KIF2C: variants seen among roughly 807,000 people sequenced by gnomAD.
KIF2C encodes the protein kinesin family member 2C, also known as kinesin-like protein KIF2C.
A neutral mutation model predicts 97.4 loss-of-function variants in KIF2C; 34 were observed. The ratio of observed to expected loss-of-function variants is 0.35; its 90% CI spans 0.27 to 0.46. The LOEUF (loss-of-function observed/expected upper bound fraction) is 0.46. KIF2C is among the 20% of genes least tolerant of loss of function. The probability of loss-of-function intolerance (pLI) is 1.00; values close to 1 mark genes in which losing one functional copy is unlikely to be tolerated. For missense variants in KIF2C, 750 were observed against 907.6 expected, an observed-to-expected ratio of 0.83 and a Z score of 2.23; for synonymous variants, 313 against 318.2, an observed-to-expected ratio of 0.98 and a Z score of 0.17.
chr1:44,756,203 T>A lies in KIF2C; in HGVS notation c.943T>A (p.Phe315Ile). ...CCAAGCATTCTGCTTTGACTTTGCA[T>A]TTGATGAAACAGCTTCGAATGAAGT... ...ENQAFCFDFA[F>I]DETASNEVVY... is the part of the protein sequence containing the mutation. Residue 315 changes from phenylalanine (F) to isoleucine (I), a missense_variant, in exon 10 of 21, where the codon TTT (phenylalanine) becomes ATT (isoleucine). Phe to Ile is a conservative substitution (Grantham distance 21). Coordinates refer to ENST00000372224, the MANE Select transcript of KIF2C (RefSeq NM_006845.4). 6.2e-7 allele frequency: 1 copy of A among 1,614,240 alleles called. No individual in the cohort carries two copies. Among genetic ancestry groups the A allele is most frequent in the Non-Finnish European group, 8.5e-7 (1 of 1,180,040 alleles).
intron 7 of KIF2C, 65 bp from the exon 8 acceptor site, chr1:44,754,685 G>T: frequency 1.1e-6 from 1 of 916,818 alleles, no homozygotes; most frequent in Non-Finnish European, 1.8e-6. Flanking sequence ...TGCTGCTGCC[G>T]CATAGGGGTC....
Position 44,762,444 on chromosome 1 carries a change from C to G in KIF2C, c.1850C>G (p.Pro617Arg), listed in dbSNP as rs201494235. ...GCCTGCTCTAACGGGGCGCTGATTC[C>G]AGGCAATGTAAGGACCAGGATGCGG... ...MEACSNGALI[P>R]GNLSKEEEEL... Residue 617 changes from proline (P) to arginine (R), a missense_variant, in exon 18 of 21, where the codon CCA becomes CGA. Pro to Arg is a moderately radical substitution (Grantham distance 103). Transcript: ENST00000372224. 2 of 1,614,070 alleles carry G rather than the reference C, an allele frequency of 1.2e-6. No homozygotes were observed. The highest frequency in any genetic ancestry group is 1.7e-5 in the Admixed American group (1 of 60,020).
At chr1:44,759,381 T>C (rs1339161022) in intron 14 of KIF2C, 33 bp downstream of exon 14, 1 of 1,612,156 alleles carries the variant, frequency 6.2e-7, no homozygotes, top group South Asian at 1.1e-5. Flanking sequence ...GGAGCGACCT[T>C]CTCATGTCTG....
chr1:44,748,876 C>T (rs1309079988), intron 4 of KIF2C, among the ~76,000 whole-genome samples: 5 of 151,964 alleles, frequency 3.3e-5, no homozygotes, highest in Admixed American at 1.3e-4. Context: ...GATGGAGTCT[C>T]GCTTTGTTGC....
Position 44,754,335 on chromosome 1 carries a change from T to G in KIF2C, c.664-415T>G, listed in dbSNP as rs556856593. On this transcript the variant is annotated intron_variant, in intron 7 of 20. Transcript: ENST00000372224. ...CAGATGAGGAACATTTCATGCTGAC[T>G]GTCTAGTAAGCAAGCCCATCACATG... Among the ~76,000 whole-genome samples, 11 of 152,290 alleles carry G rather than the reference T, an allele frequency of 7.2e-5. No homozygotes were observed. The South Asian group carries it at 2.3e-3, about 32-fold the overall frequency.
intron 4 of KIF2C, among the ~76,000 whole-genome samples, chr1:44,749,688 T>C (rs932955349): frequency 6.7e-6 from 1 of 150,154 alleles, no homozygotes; most frequent in Non-Finnish European, 1.5e-5. Context: ...CTTATAATAC[T>C]CAGAAACTGG....
intron 13 of KIF2C, 37 bp from the exon 14 acceptor site, chr1:44,759,169 C>T: frequency 1.2e-6 from 2 of 1,612,408 alleles, no homozygotes; most frequent in Non-Finnish European, 1.7e-6. Flanking sequence ...TGCCGGGTGC[C>T]CAGTGGCCTT....
intron 4 of KIF2C, 78 bp downstream of exon 4, chr1:44,747,778 C>G: frequency 7.5e-7 from 1 of 1,338,624 alleles, no homozygotes; most frequent in South Asian, 1.3e-5. Flanking sequence ...GTTGTGGAAG[C>G]TCCTCTTTTG....
At chr1:44,744,087 TTTG>T (rs1310648566) in intron 2 of KIF2C, among the ~76,000 whole-genome samples, 1 of 130,914 alleles carries the variant, frequency 7.6e-6, no homozygotes, top group Non-Finnish European at 1.7e-5. Context: ...GGTTTTTTTT[TTTG>T]TTTGTTTGTT....
At position 44,760,224 on chromosome 1, in the gene KIF2C, C is replaced by A; in HGVS notation, c.1368-56C>A. ...TCCCTTCCTAGAGAACTTCTGTGGA[C>A]TTGGGTGCCATGGGGGCTGGTGACC... On this transcript the variant is annotated intron_variant, in intron 14 of 20. Coordinates refer to ENST00000372224, the MANE Select transcript of KIF2C (RefSeq NM_006845.4). The surrounding 1 kb of genome is among the most constrained non-coding windows in gnomAD (Gnocchi z 4.2). The A allele has an allele frequency of 6.5e-7, 1 of 1,535,342 alleles. No individual in the cohort carries two copies. The highest frequency in any genetic ancestry group is 9.0e-7 in the Non-Finnish European group (1 of 1,112,570).
Position 44,757,955 on chromosome 1 carries a change from G to C in KIF2C, c.1116G>C (p.Gly372=). 1.9e-6 allele frequency: 3 copies of C among 1,614,216 alleles called. No homozygotes were observed. The highest frequency in any genetic ancestry group is 2.5e-6 in the Non-Finnish European group (3 of 1,180,030). Residue 372 remains glycine, a synonymous_variant, in exon 12 of 21, where the codon GGG becomes GGC. Transcript: ENST00000372224. ...GGAAAGCCCAGAATGCATCCAAAGG[G>C]ATCTATGCCATGGCCTGTAAGTACT... ...LSGKAQNASK[G]IYAMASRDVF...
At position 44,760,667 on chromosome 1, in the gene KIF2C, G is replaced by T; in HGVS notation, c.1648G>T (p.Asp550Tyr). ...GAGCAAGCTGACACAGGTGCTGAGG[G>T]ACTCCTTCATTGGGGAGAACTCTAG... ...RESKLTQVLR[D>Y]SFIGENSRTC... Residue 550 changes from aspartate (D) to tyrosine (Y), a missense_variant, in exon 16 of 21, where the codon GAC (aspartate) becomes TAC (tyrosine). Physicochemically the swap from Asp to Tyr is radical, Grantham distance 160. Transcript: ENST00000372224. This position sits in a 1 kb window ranked among gnomAD's most constrained non-coding sequence, Gnocchi z 4.2. 1 of 1,614,180 alleles carries T rather than the reference G, an allele frequency of 6.2e-7. No homozygotes were observed. The highest frequency in any genetic ancestry group is 1.1e-5 in the South Asian group (1 of 91,080).
intron 19 of KIF2C, among the ~76,000 whole-genome samples, chr1:44,765,348 T>C (rs1420336346): frequency 6.6e-6 from 1 of 152,124 alleles, no homozygotes; most frequent in Non-Finnish European, 1.5e-5. Flanking sequence ...TTAGGAGATA[T>C]ACCCAATGTA....
At position 44,760,600 on chromosome 1, in the gene KIF2C, C is replaced by T; in HGVS notation, c.1581C>T (p.Ile527=). 6.2e-7 allele frequency: 1 copy of T among 1,614,110 alleles called. No individual in the cohort carries two copies. Among genetic ancestry groups the T allele is most frequent in the Non-Finnish European group, 8.5e-7 (1 of 1,180,004 alleles). The change falls in exon 16 of 21, where the codon ATC becomes ATT. Residue 527 remains isoleucine, a synonymous_variant. Coordinates refer to ENST00000372224, the MANE Select transcript of KIF2C (RefSeq NM_006845.4). The surrounding 1 kb of genome is among the most constrained non-coding windows in gnomAD (Gnocchi z 4.2). ...TCCTGCTGCCCCCACAGGAGTGCATCAGGGCCCTGGGACAGAACAAGGCTC... is the reference window on the plus strand; with the variant it reads ...TCCTGCTGCCCCCACAGGAGTGCATTAGGGCCCTGGGACAGAACAAGGCTC... ...NKSLLALKEC[I]RALGQNKAHT... is the part of the protein sequence containing the mutation.
chr1:44,749,807 G>A (rs892270684), intron 4 of KIF2C, among the ~76,000 whole-genome samples: 2 of 151,470 alleles, frequency 1.3e-5, no homozygotes, highest in Non-Finnish European at 2.9e-5. Context: ...GGCTGGGCAC[G>A]GTGGTTCACA....
In KIF2C at chr1:44,739,971, C is replaced by T. The variant is rs554083344; in HGVS notation, c.39C>T (p.Pro13=). ...MDSSLQARLF[P]GLAIKIQRSN... ...CGTCGCTTCAGGCCCGCCTGTTTCCCGGTCTCGCTATCAAGATCCAACGCA... is the reference window on the plus strand; with the variant it reads ...CGTCGCTTCAGGCCCGCCTGTTTCCTGGTCTCGCTATCAAGATCCAACGCA... The change falls in exon 1 of 21, where the codon CCC becomes CCT. Residue 13 remains proline, a synonymous_variant. Coordinates refer to ENST00000372224, the MANE Select transcript of KIF2C (RefSeq NM_006845.4). 9.3e-6 allele frequency: 15 copies of T among 1,614,230 alleles called. No homozygotes were observed. The East Asian group carries it at 2.5e-4, about 26-fold the overall frequency.
rs1650494026 is a variant in KIF2C, at chr1:44,766,832, C to T, written c.1978C>T (p.Pro660Ser). The part of the protein sequence containing the change: ...EELKEIIQQG[P>S]DWLELSEMTE... ...GGTCCTCCCTGTGTTGTAGCAAGGA[C>T]CAGACTGGCTTGAGCTCTCTGAGAT... The change falls in exon 20 of 21, where the codon CCA becomes TCA. Residue 660 changes from proline (P) to serine (S), a missense_variant. Pro to Ser is a moderately conservative substitution (Grantham distance 74). Transcript: ENST00000372224. The T allele has an allele frequency of 6.2e-7, 1 of 1,614,164 alleles. No homozygotes were observed. The highest frequency in any genetic ancestry group is 2.2e-5 in the East Asian group (1 of 44,888).
Position 44,762,468 on chromosome 1 carries a change from G to T in KIF2C, c.1857+17G>T, listed in dbSNP as rs41269071. On this transcript the variant is annotated intron_variant, in intron 18 of 20. Coordinates refer to ENST00000372224, the MANE Select transcript of KIF2C (RefSeq NM_006845.4). ...CCAGGCAATGTAAGGACCAGGATGC[G>T]GCCAAGCAAGACAGAAGTGTGGCCT... 1 of 1,612,520 alleles carries T rather than the reference G, an allele frequency of 6.2e-7. No homozygotes were observed. The highest frequency in any genetic ancestry group is 8.5e-7 in the Non-Finnish European group (1 of 1,178,672).
intron 16 of KIF2C, among the ~76,000 whole-genome samples, chr1:44,761,310 A>C (rs1159932069): frequency 6.6e-6 from 1 of 152,202 alleles, no homozygotes; most frequent in African/African-American, 2.4e-5. Context: ...ACAGAGCTTT[A>C]AGATAGGACC....
Sources: allele counts gnomAD v4.1 joint callset (sites outside exome capture counted in the v4.1 genomes callset), GRCh38; gene constraint gnomAD v4.1.1; non-coding constraint Gnocchi (gnomAD v3.1); transcripts MANE v1.5; gene names NCBI Gene and HGNC (gene_info 2026-07-23, HGNC 2026-07-21).